NOL4: variants seen among roughly 807,000 people sequenced by gnomAD.
The protein encoded by NOL4 is nucleolar protein 4.
A neutral mutation model predicts 75.9 loss-of-function variants in NOL4; 17 were observed. That is an observed-to-expected ratio of 0.22 (90% CI 0.15 to 0.34). The LOEUF (loss-of-function observed/expected upper bound fraction) is 0.34. Among genes scored for constraint, NOL4 ranks in the 10% least tolerant of loss-of-function variants. The pLI, the probability that NOL4 is intolerant of heterozygous loss-of-function variation, is 1.00. For missense variants in NOL4, 614 were observed against 793.5 expected (o/e 0.77, Z 2.72); for synonymous variants, 292 against 289.9 (o/e 1.01, Z -0.07).
intron 6 of NOL4, among the ~76,000 whole-genome samples, chr18:33,966,753 T>C (rs754989570): frequency 6.6e-6 from 1 of 151,830 alleles, no homozygotes; most frequent in Non-Finnish European, 1.5e-5. Flanking sequence ...CACACAAAAA[T>C]GAAATACTCT....
intron 10 of NOL4, among the ~76,000 whole-genome samples, chr18:33,861,378 A>G (rs1044099963): frequency 2.6e-5 from 4 of 152,164 alleles, no homozygotes; most frequent in Non-Finnish European, 5.9e-5. Flanking sequence ...TGTATGCGTC[A>G]AGGAATTTAT....
At chr18:34,201,010 T>C (rs1413664883) in intron 1 of NOL4, among the ~76,000 whole-genome samples, 1 of 151,718 alleles carries the variant, frequency 6.6e-6, no homozygotes, top group Admixed American at 6.6e-5. Context: ...ACTCCTATGC[T>C]GCTCTATATA....
chr18:34,074,835 T>G (rs2077677607), intron 5 of NOL4, among the ~76,000 whole-genome samples: 1 of 152,150 alleles, frequency 6.6e-6, no homozygotes, highest in Non-Finnish European at 1.5e-5. Context: ...TCCTCTCATA[T>G]GTAGGGTTTA....
At chr18:34,129,086 G>T (rs558847189) in intron 2 of NOL4, among the ~76,000 whole-genome samples, 22 of 151,950 alleles carry the variant, frequency 1.4e-4, no homozygotes, top group Admixed American at 2.6e-4. Context: ...TAGACAGGAT[G>T]AAATATCTAT....
chr18:34,097,681 C>G (rs1364977667), intron 4 of NOL4, among the ~76,000 whole-genome samples: 1 of 152,146 alleles, frequency 6.6e-6, no homozygotes, highest in African/African-American at 2.4e-5. Context: ...TCACATGTGA[C>G]TAATGACTAC....
intron 5 of NOL4, among the ~76,000 whole-genome samples, chr18:34,059,298 T>C (rs922230961): frequency 6.6e-6 from 1 of 152,138 alleles, no homozygotes; most frequent in South Asian, 2.1e-4. Flanking sequence ...CAGCATTTAC[T>C]GAAAGGATTT....
At chr18:34,151,884 T>C (rs543988957) in intron 1 of NOL4, among the ~76,000 whole-genome samples, 1 of 151,800 alleles carries the variant, frequency 6.6e-6, no homozygotes, top group Non-Finnish European at 1.5e-5. Context: ...GAAAAGGATA[T>C]ACTCTTTGGA....
intron 6 of NOL4, among the ~76,000 whole-genome samples, chr18:33,989,150 T>G (rs1410507461): frequency 1.6e-5 from 2 of 128,532 alleles, no homozygotes; most frequent in African/African-American, 6.2e-5. Flanking sequence ...ATCACTCCAT[T>G]GCACTCCAGC....
chr18:33,897,633 G>A (rs2065489620), intron 9 of NOL4, among the ~76,000 whole-genome samples: 2 of 151,986 alleles, frequency 1.3e-5, no homozygotes, highest in Non-Finnish European at 2.9e-5. Flanking sequence ...GGAGGAAGAG[G>A]AGCAGAAAAG....
At chr18:33,986,719 T>A (rs1201565184) in intron 6 of NOL4, among the ~76,000 whole-genome samples, 3 of 152,048 alleles carry the variant, frequency 2.0e-5, no homozygotes, top group African/African-American at 7.2e-5. Flanking sequence ...TGGGCATTTT[T>A]AAAAAATGTA....
At chr18:34,066,544 C>G (rs1269416453) in intron 5 of NOL4, among the ~76,000 whole-genome samples, 1 of 151,948 alleles carries the variant, frequency 6.6e-6, no homozygotes, top group Non-Finnish European at 1.5e-5. Context: ...ACACTGTACA[C>G]CCCAACCTTT....
Position 33,852,987 on chromosome 18 carries a change from G to T in NOL4, c.1772C>A (p.Ser591Tyr). The change falls in exon 11 of 11, where the codon TCC (serine) becomes TAC (tyrosine). Residue 591 changes from serine to tyrosine, a missense_variant. By Grantham distance (144) the Ser-to-Tyr change is moderately radical. Around this residue, in one of 9 missense-constraint regions of NOL4, gnomAD observed 128 missense variants for 159.9 expected, o/e 0.80. Coordinates refer to ENST00000261592, the MANE Select transcript of NOL4 (RefSeq NM_003787.5). ...MKRQLATSSGSSSSSNSRPQL... is the reference protein window; with the variant it reads ...MKRQLATSSGYSSSSNSRPQL... ...GGGTCTGGAGTTTGAGCTGCTGGAGGATCCTGAGCTAGTCGCCAATTGTCT... is the reference window on the plus strand; with the variant it reads ...GGGTCTGGAGTTTGAGCTGCTGGAGTATCCTGAGCTAGTCGCCAATTGTCT... 2.5e-6 allele frequency: 4 copies of T among 1,612,980 alleles called. No individual in the cohort carries two copies. The highest frequency in any genetic ancestry group is 1.7e-6 in the Non-Finnish European group (2 of 1,179,328).
chr18:34,046,605 TAC>T (rs2076376417), intron 5 of NOL4, among the ~76,000 whole-genome samples: 6 of 96,758 alleles, frequency 6.2e-5, no homozygotes, highest in African/African-American at 1.5e-4. Flanking sequence ...TATTTACTTA[TAC>T]ATATATATAT....
chr18:33,958,507 A>AT, intron 6 of NOL4, 89 bp from the exon 7 acceptor site: 2 of 1,243,640 alleles, frequency 1.6e-6, no homozygotes, highest in Non-Finnish European at 2.2e-6. Flanking sequence ...ACTGTTTCTC[A>AT]AAAATCTTGT....
intron 4 of NOL4, among the ~76,000 whole-genome samples, chr18:34,096,830 CTTAT>C (rs2078808099): frequency 6.6e-6 from 1 of 152,084 alleles, no homozygotes; most frequent in Non-Finnish European, 1.5e-5. Flanking sequence ...AAACACGGCA[CTTAT>C]TTATTTCTCA....
At chr18:34,214,311 T>C (rs1166358925) in intron 1 of NOL4, among the ~76,000 whole-genome samples, 1 of 152,094 alleles carries the variant, frequency 6.6e-6, no homozygotes. Flanking sequence ...CTTTTAAATA[T>C]AGTTTATAAT....
chr18:34,223,003 G>T lies in NOL4; in HGVS notation c.251C>A (p.Pro84His), dbSNP rs752333699. ...CGAGTCACTCACCGTGGTCTTGACA[G>T]GCACGTAGAGCACTTGCTTGGCGCC... The part of the protein sequence containing the change: ...GGGAKQVLYV[P>H]VKTTDGVGVD... Residue 84 changes from proline to histidine, a missense_variant, in exon 1 of 11, where the codon CCT becomes CAT. Transcript: ENST00000261592. The T allele has an allele frequency of 6.2e-7, 1 of 1,609,116 alleles. No homozygotes were observed. The highest frequency in any genetic ancestry group is 1.1e-5 in the South Asian group (1 of 91,062).
At chr18:34,057,488 T>G (rs1263870396) in intron 5 of NOL4, among the ~76,000 whole-genome samples, 1 of 152,198 alleles carries the variant, frequency 6.6e-6, no homozygotes, top group Non-Finnish European at 1.5e-5. Flanking sequence ...CAAATCTGTT[T>G]TCTAGAATGA....
intron 2 of NOL4, among the ~76,000 whole-genome samples, chr18:34,124,763 C>T (rs2080306344): frequency 6.6e-6 from 1 of 151,952 alleles, no homozygotes; most frequent in Non-Finnish European, 1.5e-5. Context: ...AAAAATTAAC[C>T]AGCCATAGTG....
Sources: allele counts gnomAD v4.1 joint callset (sites outside exome capture counted in the v4.1 genomes callset), GRCh38; gene constraint gnomAD v4.1.1; regional missense constraint gnomAD v4.1.1; transcripts MANE v1.5; gene names NCBI Gene and HGNC (gene_info 2026-07-23, HGNC 2026-07-21).